Variants in TENM1 observed in about 807,000 individuals in gnomAD.
The protein encoded by TENM1 is teneurin transmembrane protein 1.
A neutral mutation model predicts 174.8 loss-of-function variants in TENM1; 35 were observed. The ratio of observed to expected loss-of-function variants is 0.20; its 90% CI spans 0.15 to 0.27. TENM1 has a LOEUF of 0.27. TENM1 is among the 10% of genes least tolerant of loss of function. The pLI is 1.00. For missense variants in TENM1, 1,633 were observed against 2,130.1 expected (o/e 0.77, Z 4.59); for synonymous variants, 781 against 798.7 (o/e 0.98, Z 0.37).
At chrX:124,487,523 C>T (rs1344969675) in intron 20 of TENM1, among the ~76,000 whole-genome samples, 1 of 112,195 alleles carries the variant, frequency 8.9e-6, no homozygotes, top group Non-Finnish European at 1.9e-5. Context: ...ATCAGAATCA[C>T]TTGGATTCTT....
At chrX:125,188,142 G>T in the TENM1 span, among the ~76,000 whole-genome samples, 1 of 111,105 alleles carries the variant, frequency 9.0e-6, no homozygotes, top group African/African-American at 3.3e-5. Flanking sequence ...ACCAGCCTGG[G>T]CAACAGAATG....
intron 3 of TENM1, among the ~76,000 whole-genome samples, chrX:124,742,569 G>A (rs183512732): frequency 3.6e-5 from 4 of 110,986 alleles, no homozygotes; most frequent in African/African-American, 1.3e-4. Flanking sequence ...ATACATTTAG[G>A]TAAGAAAGTA....
intron 11 of TENM1, among the ~76,000 whole-genome samples, chrX:124,602,649 A>C (rs2050055886): frequency 9.1e-6 from 1 of 110,139 alleles, no homozygotes; most frequent in African/African-American, 3.3e-5. Context: ...GAAACGCAGG[A>C]GCCTAAGGGG....
chrX:124,703,845 T>C (rs767105500), intron 5 of TENM1, among the ~76,000 whole-genome samples: 1 of 112,151 alleles, frequency 8.9e-6, no homozygotes, highest in Admixed American at 9.4e-5. Flanking sequence ...ATATAATCCA[T>C]GTTAAATAGA....
chrX:125,174,934 G>A, the TENM1 span, among the ~76,000 whole-genome samples: 2 of 111,383 alleles, frequency 1.8e-5, no homozygotes, highest in East Asian at 5.6e-4. Flanking sequence ...TGATAACTGT[G>A]CAACCTTCAT....
chrX:125,145,472 C>A, the TENM1 span, among the ~76,000 whole-genome samples: 1 of 112,209 alleles, frequency 8.9e-6, no homozygotes, highest in Non-Finnish European at 1.9e-5. Flanking sequence ...GTAACTTGGC[C>A]TTAAAATCTA....
intron 11 of TENM1, among the ~76,000 whole-genome samples, chrX:124,581,060 C>CTT (rs1202109466): frequency 4.1e-3 from 263 of 63,885 alleles, no homozygotes; most frequent in Non-Finnish European, 5.9e-3. Flanking sequence ...ATACTTAGTT[C>CTT]TTTTTTTTTT....
At chrX:124,678,320 G>A (rs1248478487) in intron 5 of TENM1, among the ~76,000 whole-genome samples, 1 of 110,982 alleles carries the variant, frequency 9.0e-6, no homozygotes, top group Non-Finnish European at 1.9e-5. Context: ...GGTTTTAGTA[G>A]AAAATATGTA....
intron 11 of TENM1, among the ~76,000 whole-genome samples, chrX:124,581,703 TA>T (rs199850117): frequency 0.19 from 20,475 of 110,474 alleles, 1,447 homozygotes; most frequent in South Asian, 0.31. Flanking sequence ...TAGCATCTGT[TA>T]TTTTTTTTAA....
intron 22 of TENM1, among the ~76,000 whole-genome samples, chrX:124,460,775 GT>G (rs1282978807): frequency 3.7e-5 from 4 of 109,104 alleles, no homozygotes; most frequent in African/African-American, 1.3e-4. Flanking sequence ...TTTAACACAA[GT>G]TTGTCTGAGT....
At chrX:124,751,696 G>A (rs1240211048) in intron 3 of TENM1, among the ~76,000 whole-genome samples, 1 of 88,122 alleles carries the variant, frequency 1.1e-5, no homozygotes, top group Non-Finnish European at 2.2e-5. Flanking sequence ...CTGTGTCCAT[G>A]TGTTCTCATT....
exon 5 of TENM1, chrX:124,705,052 T>C (rs758936442): frequency 1.7e-6 from 2 of 1,209,194 alleles, no homozygotes; most frequent in East Asian, 3.0e-5. Flanking sequence ...GTCACTGTGA[T>C]TGCAGTGGCG....
chrX:124,420,238 A>T lies in TENM1; in HGVS notation c.4982+73T>A, dbSNP rs2060635460. 2.9e-6 allele frequency: 3 copies of T among 1,039,778 alleles called. No individual in the cohort carries two copies. The Admixed American group carries it at 8.8e-5, about 30-fold the overall frequency. 85.7% of individuals were successfully genotyped at this position (1,039,778 alleles called of 1,213,427 possible). A position where few individuals can be genotyped will look rare whatever the true frequency, so the allele number is the denominator to read the frequency against. ...CAGCATGCAACACTCAGCAATTACT[A>T]AGGCATTTTCCCAGTATAATACAAT... On this transcript the variant is annotated intron_variant, in intron 25 of 31. Transcript: ENST00000422452.
chrX:125,023,138 A>T, the TENM1 span, among the ~76,000 whole-genome samples: 8,532 of 111,108 alleles, frequency 0.077, 821 homozygotes, highest in African/African-American at 0.26. Flanking sequence ...ATCTTAATTT[A>T]AATCCCCAGG....
intron 11 of TENM1, among the ~76,000 whole-genome samples, chrX:124,638,355 T>C (rs1280271109): frequency 9.0e-6 from 1 of 111,395 alleles, no homozygotes; most frequent in Non-Finnish European, 1.9e-5. Flanking sequence ...AATACAAATA[T>C]TTGAATTTAT....
chrX:124,458,603 T>C (rs995882239), intron 22 of TENM1, among the ~76,000 whole-genome samples: 1 of 112,839 alleles, frequency 8.9e-6, no homozygotes, highest in African/African-American at 3.2e-5. Flanking sequence ...AAATTAAAAA[T>C]GATAAGCTTT....
intron 11 of TENM1, among the ~76,000 whole-genome samples, chrX:124,638,141 T>G (rs2050924360): frequency 9.1e-6 from 1 of 109,850 alleles, no homozygotes; most frequent in Non-Finnish European, 1.9e-5. Flanking sequence ...GAGAAAGGAG[T>G]GGGGTAGGGT....
At chrX:124,495,402 C>T (rs368976260) in intron 20 of TENM1, among the ~76,000 whole-genome samples, 4,785 of 103,073 alleles carry the variant, frequency 0.046, 217 homozygotes, top group African/African-American at 0.11. Context: ...CATTGTAGAT[C>T]CTGGATATTA....
At chrX:124,585,570 C>T (rs1437387610) in intron 11 of TENM1, among the ~76,000 whole-genome samples, 1 of 110,132 alleles carries the variant, frequency 9.1e-6, no homozygotes, top group African/African-American at 3.3e-5. Flanking sequence ...ACTAAATGCC[C>T]ACAAGAGAAA....
Sources: allele counts gnomAD v4.1 joint callset (sites outside exome capture counted in the v4.1 genomes callset), GRCh38; gene constraint gnomAD v4.1.1; transcripts MANE v1.5; gene names NCBI Gene and HGNC (gene_info 2026-07-23, HGNC 2026-07-21).